Variants in PRKN observed in about 807,000 individuals in gnomAD.
PRKN encodes parkin RBR E3 ubiquitin protein ligase, also known as E3 ubiquitin-protein ligase parkin.
A neutral mutation model predicts 59.5 loss-of-function variants in PRKN; 56 were observed. The observed-to-expected ratio is 0.94, with a 90% CI of 0.76 to 1.18. PRKN has a LOEUF of 1.18. PRKN is among the 50% of genes most tolerant of loss of function. The pLI is 0.00. For synonymous variants in PRKN, 250 were observed against 222.1 expected (o/e 1.13, Z -1.12); for missense variants, 657 against 596.4 (o/e 1.10, Z -1.06).
chr6:162,713,933 A>C (rs1400265689), intron 1 of PRKN, among the ~76,000 whole-genome samples: 1 of 152,216 alleles, frequency 6.6e-6, no homozygotes, highest in Non-Finnish European at 1.5e-5. Context: ...ACTGTGCTAA[A>C]AATTAAGAAA....
intron 1 of PRKN, among the ~76,000 whole-genome samples, chr6:162,720,476 C>T (rs1296615629): frequency 2.3e-5 from 3 of 132,740 alleles, no homozygotes; most frequent in Non-Finnish European, 4.6e-5. Context: ...CGGAGTCTCG[C>T]TCTGTCGCCC....
At chr6:162,670,757 A>G (rs796350708) in intron 1 of PRKN, among the ~76,000 whole-genome samples, 2 of 152,358 alleles carry the variant, frequency 1.3e-5, no homozygotes, top group African/African-American at 4.8e-5. Flanking sequence ...AAAATGTAAG[A>G]TTAAATATAC....
chr6:162,162,425 G>C (rs1178331538), intron 4 of PRKN, among the ~76,000 whole-genome samples: 1 of 152,104 alleles, frequency 6.6e-6, no homozygotes, highest in South Asian at 2.1e-4. Flanking sequence ...CCAGCCACCC[G>C]ACAGACACTG....
chr6:162,117,234 G>A (rs373972301), intron 4 of PRKN, among the ~76,000 whole-genome samples: 11 of 152,178 alleles, frequency 7.2e-5, no homozygotes, highest in African/African-American at 2.2e-4. Flanking sequence ...ATGCTGGCAC[G>A]TAAATGGTTT....
At chr6:161,431,567 G>A (rs949471458) in intron 9 of PRKN, among the ~76,000 whole-genome samples, 7 of 151,988 alleles carry the variant, frequency 4.6e-5, no homozygotes, top group African/African-American at 1.7e-4. Flanking sequence ...GCTAGCTGCT[G>A]AGTCAGAATA....
intron 4 of PRKN, among the ~76,000 whole-genome samples, chr6:162,090,024 G>T (rs190593244): frequency 6.6e-6 from 1 of 152,114 alleles, no homozygotes; most frequent in African/African-American, 2.4e-5. Flanking sequence ...CGTAAAGATG[G>T]TCAATTTAAT....
chr6:161,749,594 T>C (rs1422294690), intron 7 of PRKN, among the ~76,000 whole-genome samples: 1 of 152,098 alleles, frequency 6.6e-6, no homozygotes, highest in Non-Finnish European at 1.5e-5. Context: ...CCTGTACCTC[T>C]TATCATTAAG....
At chr6:162,154,700 T>A (rs1313224268) in intron 4 of PRKN, among the ~76,000 whole-genome samples, 1 of 152,142 alleles carries the variant, frequency 6.6e-6, no homozygotes. Context: ...ACAAGGTAGA[T>A]AATTTGTTAT....
At chr6:162,424,659 C>T (rs1235619728) in intron 2 of PRKN, among the ~76,000 whole-genome samples, 15 of 150,984 alleles carry the variant, frequency 9.9e-5, no homozygotes, top group Admixed American at 4.6e-4. Context: ...TGCTTGAACC[C>T]GGGAGGTGGA....
Position 161,444,070 on chromosome 6 carries a change from G to A in PRKN, c.1084-57193C>T, listed in dbSNP as rs1789377329. 6.6e-6 allele frequency among the ~76,000 whole-genome samples: 1 copy of A among 152,224 alleles called. No homozygotes were observed. Among genetic ancestry groups the A allele is most frequent in the Non-Finnish European group, 1.5e-5 (1 of 68,044 alleles). On this transcript the variant is annotated intron_variant, in intron 9 of 11. Coordinates refer to ENST00000366898, the MANE Select transcript of PRKN (RefSeq NM_004562.3). The surrounding 1 kb of genome is among the most constrained non-coding windows in gnomAD (Gnocchi z 5.6). ...AGGCAGACAAAGAGCAAAAGTGTGG[G>A]AGGCTGGGTGGGGCCGGTGAGCTCT...
chr6:161,556,852 T>A (rs1780258010), intron 8 of PRKN, among the ~76,000 whole-genome samples: 1 of 152,154 alleles, frequency 6.6e-6, no homozygotes, highest in Non-Finnish European at 1.5e-5. Flanking sequence ...CTCATGCATG[T>A]TTTGTCTATG....
At position 161,985,475 on chromosome 6, in the gene PRKN, A is replaced by G. The variant is rs145309956; in HGVS notation, c.619-12058T>C. Reference sequence around the variant, plus strand: ...GAGGACATATAAACGAACATGTGTTAGCTGGTAATTATTTACGAGAAACTG... The same window carrying G: ...GAGGACATATAAACGAACATGTGTTGGCTGGTAATTATTTACGAGAAACTG... On this transcript the variant is annotated intron_variant, in intron 5 of 11. Coordinates refer to ENST00000366898, the MANE Select transcript of PRKN (RefSeq NM_004562.3). 1.1e-3 allele frequency among the ~76,000 whole-genome samples: 160 copies of G among 152,316 alleles called. No individual in the cohort carries two copies. The East Asian group carries it at 0.029, about 28-fold the overall frequency.
chr6:161,661,548 T>C (rs1784545605), intron 7 of PRKN, among the ~76,000 whole-genome samples: 1 of 87,200 alleles, frequency 1.1e-5, no homozygotes, highest in African/African-American at 4.6e-5. Flanking sequence ...CTCTGTCACC[T>C]GCTTCCATTT....
intron 2 of PRKN, among the ~76,000 whole-genome samples, chr6:162,300,925 T>G (rs912969024): frequency 2.6e-4 from 40 of 152,126 alleles, no homozygotes; most frequent in Admixed American, 2.6e-3. Flanking sequence ...AATAGCAAAC[T>G]GGAGCTGATG....
rs187770650 is a variant in PRKN, at chr6:161,566,552, G to A, written c.933+2803C>T. On this transcript the variant is annotated intron_variant, in intron 8 of 11. Coordinates refer to ENST00000366898, the MANE Select transcript of PRKN (RefSeq NM_004562.3). This position sits in a 1 kb window ranked among gnomAD's most constrained non-coding sequence, Gnocchi z 4.1. ...CTCCTGAGTAGCTGAGATTACAGGC[G>A]CCCGCCACCACACCCAGCTAACTTC... 4.1e-4 allele frequency among the ~76,000 whole-genome samples: 62 copies of A among 152,122 alleles called. No individual in the cohort carries two copies. The highest frequency in any genetic ancestry group is 1.3e-3 in the African/African-American group (53 of 41,510).
At chr6:162,050,142 C>T (rs1211554541) in intron 5 of PRKN, among the ~76,000 whole-genome samples, 1 of 152,146 alleles carries the variant, frequency 6.6e-6, no homozygotes, top group Non-Finnish European at 1.5e-5. Context: ...TCGCATGTCT[C>T]CTTTTTTAGT....
At chr6:162,689,021 A>G (rs1281602442) in intron 1 of PRKN, among the ~76,000 whole-genome samples, 2 of 152,174 alleles carry the variant, frequency 1.3e-5, no homozygotes, top group South Asian at 2.1e-4. Context: ...GAGATTCTAA[A>G]AAAGGGCTAA....
intron 6 of PRKN, among the ~76,000 whole-genome samples, chr6:161,941,542 G>A (rs1779567523): frequency 6.6e-6 from 1 of 152,250 alleles, no homozygotes; most frequent in African/African-American, 2.4e-5. Context: ...ACAAAGGCCA[G>A]AACCCTGGGA....
chr6:162,625,549 A>G (rs1162315601), intron 1 of PRKN, among the ~76,000 whole-genome samples: 2 of 151,998 alleles, frequency 1.3e-5, no homozygotes, highest in Admixed American at 6.6e-5. Flanking sequence ...TTAAGACTTA[A>G]CCATCCATTT....
Sources: allele counts gnomAD v4.1 joint callset (sites outside exome capture counted in the v4.1 genomes callset), GRCh38; gene constraint gnomAD v4.1.1; non-coding constraint Gnocchi (gnomAD v3.1); transcripts MANE v1.5; gene names NCBI Gene and HGNC (gene_info 2026-07-23, HGNC 2026-07-21).